The following BACH2 variants were observed in gnomAD, a reference collection of about 807,000 sequenced individuals.
BACH2 encodes BACH transcriptional regulator 2.
Under a neutral mutation model 61.8 loss-of-function variants are expected in BACH2, and 5 were observed. The ratio of observed to expected loss-of-function variants is 0.08; its 90% CI spans 0.04 to 0.17. The LOEUF is 0.17. BACH2 is among the 10% of genes least tolerant of loss of function. The probability of loss-of-function intolerance (pLI) is 1.00; values close to 1 mark genes in which losing one functional copy is unlikely to be tolerated. For synonymous variants in BACH2, 446 were observed against 440.1 expected, an observed-to-expected ratio of 1.01 and a Z score of -0.17; for missense variants, 824 against 1,091.1, an observed-to-expected ratio of 0.76 and a Z score of 3.45.
At chr6:89,958,438 T>C (rs1774545415) in intron 6 of BACH2, among the ~76,000 whole-genome samples, 1 of 119,202 alleles carries the variant, frequency 8.4e-6, no homozygotes, top group African/African-American at 3.2e-5. Flanking sequence ...TTAGTTTCTC[T>C]ATGCTTTAGT....
At chr6:90,102,446 T>C (rs1022388368) in intron 4 of BACH2, among the ~76,000 whole-genome samples, 1 of 152,126 alleles carries the variant, frequency 6.6e-6, no homozygotes, top group African/African-American at 2.4e-5. Flanking sequence ...AAGGGTTTGT[T>C]TCAATGAAAA....
chr6:89,979,602 G>A (rs1417796577), intron 6 of BACH2, among the ~76,000 whole-genome samples: 5 of 152,122 alleles, frequency 3.3e-5, no homozygotes, highest in African/African-American at 4.8e-5. Flanking sequence ...TTAGAATTAC[G>A]TGTTCCTGCT....
At chr6:90,162,351 G>C (rs972044581) in intron 4 of BACH2, among the ~76,000 whole-genome samples, 3 of 152,190 alleles carry the variant, frequency 2.0e-5, no homozygotes, top group Admixed American at 1.3e-4. Flanking sequence ...AAAATTCAGA[G>C]ACCAGGGCCA....
chr6:90,253,400 A>G (rs895069818), intron 2 of BACH2, among the ~76,000 whole-genome samples: 3 of 152,236 alleles, frequency 2.0e-5, no homozygotes, highest in Non-Finnish European at 4.4e-5. Context: ...ACTTTGAAAA[A>G]GACTTTATTA....
intron 5 of BACH2, chr6:90,062,874 A>C (rs1780756638): frequency 1.0e-6 from 1 of 978,852 alleles, no homozygotes; most frequent in African/African-American, 1.8e-5. Context: ...TAGACAGATG[A>C]AAGGCTGACC....
chr6:89,985,695 G>C (rs187376322), intron 6 of BACH2, among the ~76,000 whole-genome samples: 2 of 152,288 alleles, frequency 1.3e-5, no homozygotes. Flanking sequence ...GGGGATTTCT[G>C]TAACTCTTCT....
chr6:90,134,393 C>T (rs1264427239), intron 4 of BACH2, among the ~76,000 whole-genome samples: 1 of 152,140 alleles, frequency 6.6e-6, no homozygotes, highest in African/African-American at 2.4e-5. Flanking sequence ...CATCAGTGCC[C>T]TGTTTGTAGT....
At chr6:90,010,234 C>G (rs1363641360) in intron 5 of BACH2, among the ~76,000 whole-genome samples, 1 of 152,066 alleles carries the variant, frequency 6.6e-6, no homozygotes, top group African/African-American at 2.4e-5. Flanking sequence ...TCCTTAAGGC[C>G]CTTGTAATAA....
At chr6:90,097,288 T>C (rs1408633933) in intron 4 of BACH2, among the ~76,000 whole-genome samples, 2 of 152,030 alleles carry the variant, frequency 1.3e-5, no homozygotes, top group African/African-American at 4.8e-5. Flanking sequence ...TTAAAAATAG[T>C]GAGTTTAAAC....
At chr6:90,029,728 G>A (rs940801921) in intron 5 of BACH2, among the ~76,000 whole-genome samples, 24 of 152,258 alleles carry the variant, frequency 1.6e-4, no homozygotes, top group Admixed American at 1.3e-3. Context: ...TGTTTCTGCT[G>A]AGGTCTCCTT....
chr6:90,019,127 T>C (rs1778241963), intron 5 of BACH2, among the ~76,000 whole-genome samples: 1 of 152,216 alleles, frequency 6.6e-6, no homozygotes, highest in Admixed American at 6.5e-5. Flanking sequence ...AAAATCATAA[T>C]AGCTTGCATG....
intron 2 of BACH2, among the ~76,000 whole-genome samples, chr6:90,258,832 C>A (rs1771066662): frequency 6.6e-6 from 1 of 151,718 alleles, no homozygotes; most frequent in African/African-American, 2.4e-5. Flanking sequence ...TAAGTGGGAC[C>A]ATTTTCTTCA....
intron 3 of BACH2, among the ~76,000 whole-genome samples, chr6:90,240,484 T>C (rs1770414111): frequency 2.0e-5 from 3 of 152,236 alleles, no homozygotes; most frequent in Admixed American, 2.0e-4. Flanking sequence ...TTAAATATCC[T>C]GCTATTGTCT....
chr6:90,060,214 C>T (rs1780612389), intron 5 of BACH2, among the ~76,000 whole-genome samples: 1 of 151,732 alleles, frequency 6.6e-6, no homozygotes, highest in South Asian at 2.1e-4. Context: ...AATTCTGAGC[C>T]ACAATCTCTT....
intron 4 of BACH2, among the ~76,000 whole-genome samples, chr6:90,197,968 T>C (rs1302053951): frequency 2.0e-5 from 3 of 152,124 alleles, no homozygotes; most frequent in African/African-American, 7.2e-5. Context: ...GAAACCTGTT[T>C]GATGGTGTAA....
intron 3 of BACH2, among the ~76,000 whole-genome samples, chr6:90,207,949 T>C (rs1769207240): frequency 6.6e-6 from 1 of 152,246 alleles, no homozygotes. Context: ...ACATTACTAT[T>C]CTATGAACAT....
rs147088373 is a variant in BACH2, at chr6:90,295,702, G to C, written c.-446+778C>G. On this transcript the variant is annotated intron_variant, in intron 1 of 8. Coordinates refer to ENST00000257749, the MANE Select transcript of BACH2 (RefSeq NM_021813.4). Reference sequence around the variant, plus strand: ...GTGTGTGTTGCACCTTGACTTCATGGAGGATCTGTGGGAGAGGAGGTGCAA... The same window carrying C: ...GTGTGTGTTGCACCTTGACTTCATGCAGGATCTGTGGGAGAGGAGGTGCAA... Among the ~76,000 whole-genome samples the C allele has an allele frequency of 2.4e-3, 360 of 151,520 alleles. 1 individual carries two copies. Among genetic ancestry groups the C allele is most frequent in the African/African-American group, 8.4e-3 (346 of 41,044 alleles).
chr6:90,217,244 CA>C (rs2127854219), intron 3 of BACH2, among the ~76,000 whole-genome samples: 1 of 152,242 alleles, frequency 6.6e-6, no homozygotes, highest in East Asian at 1.9e-4. Context: ...TGTCTACTAT[CA>C]AAATTCAGTG....
chr6:90,049,697 C>G (rs1356853857), intron 5 of BACH2, among the ~76,000 whole-genome samples: 3 of 152,166 alleles, frequency 2.0e-5, no homozygotes, highest in Non-Finnish European at 4.4e-5. Context: ...GACAGTTTCA[C>G]TTATAAAGGG....
Sources: gnomAD v4.1 joint callset for allele counts (sites outside exome capture counted in the v4.1 genomes callset) on GRCh38, gnomAD v4.1.1 for gene constraint, MANE v1.5 for transcripts, NCBI Gene and HGNC (gene_info 2026-07-23, HGNC 2026-07-21) for gene names.